The following SLC22A24 variants were observed in gnomAD, a reference collection of about 807,000 sequenced individuals.
SLC22A24 encodes the protein steroid transmembrane transporter SLC22A24.
In SLC22A24, 53 loss-of-function variants were observed where a neutral mutation model predicts 49.8. The observed-to-expected ratio is 1.06, with a 90% CI of 0.85 to 1.34. The LOEUF (loss-of-function observed/expected upper bound fraction) is 1.34. SLC22A24 is among the 40% of genes most tolerant of loss of function. The pLI is 0.00. For missense variants in SLC22A24, 786 were observed against 675.9 expected (o/e 1.16, Z -1.81); for synonymous variants, 302 against 256.4 (o/e 1.18, Z -1.70).
intron 6 of SLC22A24, among the ~76,000 whole-genome samples, chr11:63,095,273 G>A (rs1237413916): frequency 4.6e-5 from 7 of 152,006 alleles, no homozygotes; most frequent in Non-Finnish European, 8.8e-5. Context: ...AAATATACAT[G>A]TGCCTTAAAC....
At chr11:63,092,267 GA>G (rs967985806) in intron 6 of SLC22A24, among the ~76,000 whole-genome samples, 168 of 151,168 alleles carry the variant, frequency 1.1e-3, no homozygotes, top group Non-Finnish European at 1.9e-3. Flanking sequence ...CAAACAAATG[GA>G]AAAAAATTCC....
intron 6 of SLC22A24, among the ~76,000 whole-genome samples, chr11:63,094,803 C>T (rs1311168971): frequency 6.6e-6 from 1 of 152,148 alleles, no homozygotes; most frequent in Non-Finnish European, 1.5e-5. Flanking sequence ...CTGTTCATAT[C>T]CTTCACCCAC....
At position 63,110,402 on chromosome 11, in the gene SLC22A24, G is replaced by C. The variant is rs1023013992; in HGVS notation, c.831-6104C>G. 5.9e-5 allele frequency among the ~76,000 whole-genome samples: 9 copies of C among 152,050 alleles called. No individual in the cohort carries two copies. The East Asian group carries it at 1.5e-3, about 26-fold the overall frequency. The stretch of plus-strand genomic sequence containing the variant: ...GTGTGAAGAAAGTCATTGGTAGCTT[G>C]ATGGGGATGGCATTGAATCTATAAA... On this transcript the variant is annotated intron_variant, in intron 4 of 9. Coordinates refer to ENST00000612278, the MANE Select transcript of SLC22A24 (RefSeq NM_001136506.2).
At chr11:63,119,824 C>A (rs1452046697) in intron 2 of SLC22A24, among the ~76,000 whole-genome samples, 1 of 152,118 alleles carries the variant, frequency 6.6e-6, no homozygotes, top group Non-Finnish European at 1.5e-5. Flanking sequence ...AATCACTCAG[C>A]TATGTCTAGA....
At chr11:63,126,783 A>G (rs771675263) in intron 2 of SLC22A24, among the ~76,000 whole-genome samples, 2 of 152,064 alleles carry the variant, frequency 1.3e-5, no homozygotes, top group Non-Finnish European at 2.9e-5. Flanking sequence ...GATTCTTTTT[A>G]TCCATGAGCA....
At chr11:63,110,993 G>A (rs965538932) in intron 4 of SLC22A24, among the ~76,000 whole-genome samples, 2 of 152,128 alleles carry the variant, frequency 1.3e-5, no homozygotes, top group African/African-American at 2.4e-5. Flanking sequence ...GTTTGCCATA[G>A]ATAGCTCTTA....
chr11:63,109,549 T>C (rs2087147132), intron 4 of SLC22A24, among the ~76,000 whole-genome samples: 1 of 146,868 alleles, frequency 6.8e-6, no homozygotes, highest in East Asian at 2.0e-4. Flanking sequence ...CCAACTGGTG[T>C]GAGATGGTAT....
intron 4 of SLC22A24, among the ~76,000 whole-genome samples, chr11:63,117,351 C>T (rs1384024333): frequency 6.6e-6 from 1 of 152,132 alleles, no homozygotes; most frequent in African/African-American, 2.4e-5. Context: ...GCTTAGTGCT[C>T]AGCTATTAAG....
At chr11:63,106,827 T>C (rs1216885081) in intron 4 of SLC22A24, among the ~76,000 whole-genome samples, 1 of 152,232 alleles carries the variant, frequency 6.6e-6, no homozygotes, top group Non-Finnish European at 1.5e-5. Context: ...TTCTGGATAT[T>C]AGCCCTTTGT....
At chr11:63,092,864 G>A (rs7936095) in intron 6 of SLC22A24, among the ~76,000 whole-genome samples, 132 of 152,128 alleles carry the variant, frequency 8.7e-4, no homozygotes, top group African/African-American at 3.1e-3. Flanking sequence ...AAACTAAAGA[G>A]CTTCTGCACA....
At chr11:63,127,054 GTGCCATATTGGTTTGC>G (rs1291944736) in intron 2 of SLC22A24, among the ~76,000 whole-genome samples, 24 of 152,174 alleles carry the variant, frequency 1.6e-4, no homozygotes, top group African/African-American at 5.8e-4. Context: ...ATGTATACAC[GTGCCATATTGGTTTGC>G]TGCACCCATC....
chr11:63,143,463 G>A lies in SLC22A24; in HGVS notation c.317C>T (p.Pro106Leu). The A allele has an allele frequency of 6.3e-7, 1 of 1,593,318 alleles. No individual in the cohort carries two copies. Among genetic ancestry groups the A allele is most frequent in the Non-Finnish European group, 8.5e-7 (1 of 1,170,356 alleles). Residue 106 changes from proline (P) to leucine (L), a missense_variant, in exon 1 of 10, where the codon CCC (proline) becomes CTC (leucine). Physicochemically the swap from Pro to Leu is moderately conservative, Grantham distance 98 (BLOSUM62 -3). Transcript: ENST00000612278. The part of the protein sequence containing the change: ...WQLLHLNGTF[P>L]NTNEPDTEPC... ...CTCCGTGTCTGGCTCATTTGTGTTG[G>A]GGAAGGTCCCGTTCAGGTGAAGGAG...
intron 2 of SLC22A24, among the ~76,000 whole-genome samples, chr11:63,129,834 T>C (rs1416819003): frequency 6.6e-6 from 1 of 152,238 alleles, no homozygotes; most frequent in African/African-American, 2.4e-5. Flanking sequence ...TTTTTTATCC[T>C]GAGACTTTGC....
intron 1 of SLC22A24, chr11:63,137,856 A>T (rs1426057478): frequency 1.3e-5 from 2 of 152,198 alleles, no homozygotes; most frequent in Non-Finnish European, 2.9e-5. Flanking sequence ...GGAAACTGGA[A>T]ACCTGATATA....
chr11:63,126,426 C>A (rs2087291352), intron 2 of SLC22A24, among the ~76,000 whole-genome samples: 1 of 152,126 alleles, frequency 6.6e-6, no homozygotes, highest in South Asian at 2.1e-4. Context: ...ATCCTTTCCC[C>A]ATTGCTTGTT....
At chr11:63,117,460 CA>C (rs2087219736) in intron 4 of SLC22A24, among the ~76,000 whole-genome samples, 1 of 152,140 alleles carries the variant, frequency 6.6e-6, no homozygotes, top group Non-Finnish European at 1.5e-5. Context: ...TAGCCTCCAC[CA>C]ACTGCATATG....
chr11:63,102,717 A>G (rs1042513572), intron 5 of SLC22A24, among the ~76,000 whole-genome samples: 4 of 152,296 alleles, frequency 2.6e-5, no homozygotes, highest in African/African-American at 9.6e-5. Context: ...AAGAAAACTC[A>G]TAAATTGTAT....
At chr11:63,113,089 T>TATAC (rs1369276988) in intron 4 of SLC22A24, among the ~76,000 whole-genome samples, 1 of 2,674 alleles carries the variant, frequency 3.7e-4, no homozygotes, top group African/African-American at 5.9e-4. Context: ...CACATATATA[T>TATAC]ACATATATAT....
chr11:63,085,519 A>T (rs1296021286), intron 6 of SLC22A24, among the ~76,000 whole-genome samples: 2 of 152,232 alleles, frequency 1.3e-5, no homozygotes, highest in Non-Finnish European at 2.9e-5. Flanking sequence ...CTTTGACAGC[A>T]GGTTTTCGTC....
Sources: allele counts gnomAD v4.1 joint callset (sites outside exome capture counted in the v4.1 genomes callset), GRCh38; gene constraint gnomAD v4.1.1; transcripts MANE v1.5; gene names NCBI Gene and HGNC (gene_info 2026-07-23, HGNC 2026-07-21).